XRCC1: variants seen among roughly 807,000 people sequenced by gnomAD.
The protein encoded by XRCC1 is DNA repair protein XRCC1.
Under a neutral mutation model 83.3 loss-of-function variants are expected in XRCC1, and 52 were observed. That is an observed-to-expected ratio of 0.62 (90% CI 0.50 to 0.79). The LOEUF (loss-of-function observed/expected upper bound fraction) is 0.79, where lower values mean the gene tolerates loss of function less well. Ranked by LOEUF, XRCC1 falls within the 30% of genes least tolerant of loss-of-function variation. The pLI, the probability that XRCC1 is intolerant of heterozygous loss-of-function variation, is 0.00. For missense variants in XRCC1, 793 were observed against 823.5 expected (o/e 0.96, Z 0.45); for synonymous variants, 281 against 312.6 (o/e 0.90, Z 1.07).
intron 2 of XRCC1, among the ~76,000 whole-genome samples, chr19:43,561,850 C>T (rs901966491): frequency 5.9e-5 from 9 of 152,044 alleles, no homozygotes; most frequent in African/African-American, 2.2e-4. Flanking sequence ...CCTAGAATGA[C>T]GCATTATTAC....
chr19:43,552,343 G>A, intron 8 of XRCC1, 68 bp from the exon 9 acceptor site: 1 of 1,220,098 alleles, frequency 8.2e-7, no homozygotes, highest in Non-Finnish European at 1.2e-6. Context: ...TCCTCCCTCA[G>A]ACCCAGCAGT....
Position 43,552,809 on chromosome 19 carries a change from T to C in XRCC1, c.811A>G (p.Lys271Glu), listed in dbSNP as rs1366474172. 3 of 1,609,154 alleles carry C rather than the reference T, an allele frequency of 1.9e-6. No homozygotes were observed. The highest frequency in any genetic ancestry group is 2.5e-6 in the Non-Finnish European group (3 of 1,178,160). ...CTAGTTAGCTCACATTTAGGTCTCT[T>C]GGGAACAGATGGCGACAGCTGGGCT... The part of the protein sequence containing the change: ...PPAQLSPSVP[K>E]RPKLPAPTRT... Residue 271 changes from lysine to glutamate, a missense_variant, in exon 8 of 17, where the codon AAG (lysine) becomes GAG (glutamate). Physicochemically the swap from Lys to Glu is moderately conservative, Grantham distance 56. Coordinates refer to ENST00000262887, the MANE Select transcript of XRCC1 (RefSeq NM_006297.3).
chr19:43,554,880 A>G, intron 3 of XRCC1, 76 bp from the exon 4 acceptor site: 1 of 1,499,882 alleles, frequency 6.7e-7, no homozygotes, highest in Non-Finnish European at 9.1e-7. Context: ...GCTGGGGAAG[A>G]GGGCACAGGG....
chr19:43,552,270 C>G lies in XRCC1; in HGVS notation c.829G>C (p.Ala277Pro), dbSNP rs953352194. The change falls in exon 9 of 17, where the codon GCT becomes CCT. Residue 277 changes from alanine (A) to proline (P), a missense_variant. Transcript: ENST00000262887. ...PSVPKRPKLP[A>P]PTRTPATAPV... ...GCTGTGGCTGGGGTACGAGTTGGAG[C>G]TGGCACTGGAGAAGACAAAGAGTAG... is the stretch of plus-strand genomic sequence containing the variant. The G allele has an allele frequency of 6.3e-7, 1 of 1,599,230 alleles. No individual in the cohort carries two copies. The highest frequency in any genetic ancestry group is 8.5e-7 in the Non-Finnish European group (1 of 1,173,668).
At chr19:43,553,896 G>A (rs2293036) in intron 4 of XRCC1, 39,328 of 483,326 alleles carry the variant, frequency 0.081, 2,669 homozygotes, top group East Asian at 0.3. Context: ...CCCTTTTCAC[G>A]CATTAGCTCT....
chr19:43,568,313 A>G (rs1339903744), intron 2 of XRCC1, among the ~76,000 whole-genome samples: 1 of 152,080 alleles, frequency 6.6e-6, no homozygotes, highest in Admixed American at 6.5e-5. Context: ...CCTGGCTAAC[A>G]TGGGGAAACC....
At chr19:43,560,825 T>G (rs1415226276) in intron 3 of XRCC1, 85 bp downstream of exon 3, 3 of 1,167,178 alleles carry the variant, frequency 2.6e-6, no homozygotes, top group Non-Finnish European at 3.8e-6. Context: ...CCCCATGTCT[T>G]CCCAGCCCCA....
chr19:43,551,243 C>T (rs1362807470), intron 10 of XRCC1, among the ~76,000 whole-genome samples: 1 of 152,234 alleles, frequency 6.6e-6, no homozygotes, highest in Non-Finnish European at 1.5e-5. Context: ...GCTGGGATTA[C>T]AGGCGTGAGC....
chr19:43,567,621 A>C (rs1972766522), intron 2 of XRCC1, among the ~76,000 whole-genome samples: 1 of 152,142 alleles, frequency 6.6e-6, no homozygotes, highest in African/African-American at 2.4e-5. Flanking sequence ...TGAAATGTGC[A>C]CTTTAAATGG....
chr19:43,571,344 C>T (rs1223735986), intron 2 of XRCC1, among the ~76,000 whole-genome samples: 1 of 152,160 alleles, frequency 6.6e-6, no homozygotes, highest in East Asian at 1.9e-4. Flanking sequence ...CCTTCCCGGA[C>T]CCTACTATTT....
rs540172210 is a variant in XRCC1, at chr19:43,548,499, G to GT, written c.1200-1523dup. Among the ~76,000 whole-genome samples the GT allele has an allele frequency of 1.0e-3, 152 of 152,008 alleles. 3 individuals carry two copies. Among genetic ancestry groups the GT allele is most frequent in the South Asian group, 8.5e-3 (41 of 4,826 alleles). On this transcript the variant is annotated intron_variant, in intron 10 of 16. Transcript: ENST00000262887. ...CTCAACCCTGTGCTCTCTGAAACAT[G>GT]TGTTGTGTCCACTCAGGGTTAAATG... is the stretch of plus-strand genomic sequence containing the variant.
At chr19:43,573,232 T>C (rs949357805) in intron 2 of XRCC1, among the ~76,000 whole-genome samples, 1 of 152,126 alleles carries the variant, frequency 6.6e-6, no homozygotes, top group Admixed American at 6.6e-5. Flanking sequence ...AGCATTCTTA[T>C]AAGAATTTGT....
chr19:43,572,649 A>G (rs912741369), intron 2 of XRCC1, among the ~76,000 whole-genome samples: 2 of 152,214 alleles, frequency 1.3e-5, no homozygotes, highest in African/African-American at 4.8e-5. Flanking sequence ...AGACCAGCCT[A>G]GCCAACATGG....
intron 10 of XRCC1, among the ~76,000 whole-genome samples, chr19:43,547,989 G>A (rs1972530023): frequency 6.6e-6 from 1 of 151,956 alleles, no homozygotes; most frequent in African/African-American, 2.4e-5. Context: ...TAACATTCCA[G>A]GAAAAGGATT....
chr19:43,556,698 G>A (rs552089143), intron 3 of XRCC1, among the ~76,000 whole-genome samples: 5 of 152,022 alleles, frequency 3.3e-5, no homozygotes, highest in Non-Finnish European at 5.9e-5. Context: ...CCAGCTACTC[G>A]GGAGGCTGAG....
chr19:43,567,967 C>T lies in XRCC1; in HGVS notation c.144+6943G>A, dbSNP rs528792974. 2.4e-4 allele frequency among the ~76,000 whole-genome samples: 36 copies of T among 151,384 alleles called. 1 individual carries two copies. The Middle Eastern group carries it at 0.024, about 101-fold the overall frequency. On this transcript the variant is annotated intron_variant, in intron 2 of 16. Coordinates refer to ENST00000262887, the MANE Select transcript of XRCC1 (RefSeq NM_006297.3). ...TCGGCTCTCTGCAACCTCCGCCTCCCGGGTTCAAACAATTCTCCTGCCTCA... is the reference window on the plus strand; with the variant it reads ...TCGGCTCTCTGCAACCTCCGCCTCCTGGGTTCAAACAATTCTCCTGCCTCA...
At chr19:43,565,914 G>A (rs931481790) in intron 2 of XRCC1, among the ~76,000 whole-genome samples, 2 of 152,040 alleles carry the variant, frequency 1.3e-5, no homozygotes, top group Non-Finnish European at 2.9e-5. Context: ...CCCCAGCCTG[G>A]GTGATAAAGT....
chr19:43,547,960 T>C (rs181951215), intron 10 of XRCC1, among the ~76,000 whole-genome samples: 267 of 150,638 alleles, frequency 1.8e-3, no homozygotes, highest in African/African-American at 6.2e-3. Context: ...AACACTATAA[T>C]CATGGTTCCT....
intron 2 of XRCC1, among the ~76,000 whole-genome samples, chr19:43,573,962 A>C (rs1972829474): frequency 6.6e-6 from 1 of 152,200 alleles, no homozygotes; most frequent in African/African-American, 2.4e-5. Flanking sequence ...AGTGGGGATA[A>C]CAGAGCCTGC....
Sources: gnomAD v4.1 joint callset for allele counts (sites outside exome capture counted in the v4.1 genomes callset) on GRCh38, gnomAD v4.1.1 for gene constraint, MANE v1.5 for transcripts, NCBI Gene and HGNC (gene_info 2026-07-23, HGNC 2026-07-21) for gene names.